Variants in PAX1 observed in about 807,000 individuals in gnomAD.
PAX1 encodes paired box protein Pax-1.
PAX1 carries 18 observed loss-of-function variants against 35.6 expected under a neutral mutation model. The observed-to-expected ratio is 0.50, with a 90% CI of 0.35 to 0.75. The LOEUF is 0.75. PAX1 is among the 30% of genes least tolerant of loss of function. PAX1 has a pLI of 0.01. For synonymous variants in PAX1, 397 were observed against 305.2 expected (o/e 1.30, Z -3.14); for missense variants, 760 against 661.5 (o/e 1.15, Z -1.63).
In PAX1 at chr20:21,706,256, G is replaced by A. The variant is rs1397118461; in HGVS notation, c.287-182G>A. On this transcript the variant is annotated intron_variant, in intron 1 of 4. Transcript: ENST00000613128. The surrounding 1 kb of genome is among the most constrained non-coding windows in gnomAD (Gnocchi z 5.3). ...GCGCTCCACTCCGCGGCTCCTCTGC[G>A]CCCTTGCCCACTCCAAGCCAGACCC... The A allele has an allele frequency of 1.1e-6, 1 of 871,728 alleles. No homozygotes were observed. The highest frequency in any genetic ancestry group is 1.9e-6 in the Non-Finnish European group (1 of 537,848). 54.0% of individuals were successfully genotyped at this position (871,728 alleles called of 1,614,324 possible).
chr20:21,706,312 TG>T lies in PAX1; in HGVS notation c.287-122del. The T allele has an allele frequency of 7.6e-7, 1 of 1,309,430 alleles. No homozygotes were observed. Among genetic ancestry groups the T allele is most frequent in the Non-Finnish European group, 1.1e-6 (1 of 919,486 alleles). The allele number at this position is 1,309,430 out of a possible 1,614,324, so 81.1% of individuals were successfully genotyped here. A position where few individuals can be genotyped will look rare whatever the true frequency, so the allele number is the denominator to read the frequency against. On this transcript the variant is annotated intron_variant, in intron 1 of 4. Coordinates refer to ENST00000613128, the MANE Select transcript of PAX1 (RefSeq NM_001257096.2). The surrounding 1 kb of genome is among the most constrained non-coding windows in gnomAD (Gnocchi z 5.3). ...GTTTGCCCTTGGACTCCGAGCTGTC[TG>T]GGGACCCACAGGTCACCTTTGGAAG...
intron 2 of PAX1, 86 bp from the exon 3 acceptor site, chr20:21,708,472 C>G (rs1286049236): frequency 6.6e-7 from 1 of 1,523,064 alleles, no homozygotes; most frequent in Non-Finnish European, 9.1e-7. Flanking sequence ...CTGGCCGTGT[C>G]TTCAGATACA....
Position 21,705,918 on chromosome 20 carries a change from C to T in PAX1, c.206C>T (p.Ala69Val). 1.4e-6 allele frequency: 2 copies of T among 1,410,266 alleles called. No individual in the cohort carries two copies. The highest frequency in any genetic ancestry group is 1.5e-5 in the South Asian group (1 of 66,286). The allele number at this position is 1,410,266 out of a possible 1,614,324, so 87.4% of individuals were successfully genotyped here. The change falls in exon 1 of 5, where the codon GCT becomes GTT. Residue 69 changes from alanine to valine, a missense_variant. By Grantham distance (64) the Ala-to-Val change is moderately conservative. Around this residue, in one of 3 missense-constraint regions of PAX1, gnomAD observed 222 missense variants for 153.0 expected, o/e 1.45. Transcript: ENST00000613128. The part of the protein sequence containing the change: ...CLSRGGGGAQ[A>V]LPDCAGPSPG... ...TCACGCGGCGGCGGCGGCGCCCAAGCTCTCCCGGACTGCGCCGGGCCCAGC... is the reference window on the plus strand; with the variant it reads ...TCACGCGGCGGCGGCGGCGCCCAAGTTCTCCCGGACTGCGCCGGGCCCAGC...
At chr20:21,713,410 G>A (rs1985263247) in intron 4 of PAX1, among the ~76,000 whole-genome samples, 1 of 151,116 alleles carries the variant, frequency 6.6e-6, no homozygotes, top group Admixed American at 6.6e-5. Context: ...GTGTGTGTGT[G>A]TCTTGCACAG....
chr20:21,709,136 A>G, intron 3 of PAX1, 86 bp from the exon 4 acceptor site: 2 of 1,046,578 alleles, frequency 1.9e-6, no homozygotes, highest in East Asian at 2.4e-5. Context: ...GGGAGCGATA[A>G]TGGACGAAAA....
At chr20:21,710,607 G>A (rs951145618) in intron 4 of PAX1, among the ~76,000 whole-genome samples, 6 of 151,882 alleles carry the variant, frequency 4.0e-5, no homozygotes, top group African/African-American at 1.5e-4. Context: ...GGGGACAGGA[G>A]GGCCATCCTC....
chr20:21,708,832 C>G (rs533071371), intron 3 of PAX1, 132 bp downstream of exon 3: 2 of 925,398 alleles, frequency 2.2e-6, no homozygotes, highest in Non-Finnish European at 3.5e-6. Flanking sequence ...AGCCGGCTAG[C>G]AAGCGTCCTT....
In PAX1 at chr20:21,709,381, G is replaced by C. The variant is rs1344530066; in HGVS notation, c.1219G>C (p.Gly407Arg). The C allele has an allele frequency of 2.6e-6, 4 of 1,563,148 alleles. No homozygotes were observed. Among genetic ancestry groups the C allele is most frequent in the East Asian group, 4.6e-5 (2 of 43,324 alleles). Residue 407 changes from glycine to arginine, a missense_variant, in exon 4 of 5, where the codon GGC becomes CGC. Physicochemically the swap from Gly to Arg is moderately radical, Grantham distance 125 (BLOSUM62 -2). This residue lies in a region of PAX1 where 490 missense variants were observed against 428.4 expected (regional missense o/e 1.14). Coordinates refer to ENST00000613128, the MANE Select transcript of PAX1 (RefSeq NM_001257096.2). ...TCCTCCTCTGGCGCCCCCCGGGGCCGGCGTAGCTGTGCATGGCGGGGAACT... is the reference window on the plus strand; with the variant it reads ...TCCTCCTCTGGCGCCCCCCGGGGCCCGCGTAGCTGTGCATGGCGGGGAACT... ...QGPPLAPPGA[G>R]VAVHGGELAA...
Position 21,716,150 on chromosome 20 carries a change from A to G in PAX1, c.*1588A>G, listed in dbSNP as rs533180042. The G allele has an allele frequency of 1.3e-5, 2 of 152,394 alleles. No homozygotes were observed. Among genetic ancestry groups the G allele is most frequent in the African/African-American group, 4.8e-5 (2 of 41,590 alleles). The allele number at this position is 152,394 out of a possible 1,614,324, so 9.4% of individuals were successfully genotyped here. A position where few individuals can be genotyped will look rare whatever the true frequency, so the allele number is the denominator to read the frequency against. On this transcript the variant is annotated 3_prime_UTR_variant, in exon 5 of 5. Transcript: ENST00000613128. Reference sequence around the variant, plus strand: ...AGAGTAAAATGGGCAAAAGGCAATGAGCCAGAATGGAGGATTTCTTCAGAA... The same window carrying G: ...AGAGTAAAATGGGCAAAAGGCAATGGGCCAGAATGGAGGATTTCTTCAGAA...
At chr20:21,710,372 A>G (rs1363756181) in intron 4 of PAX1, among the ~76,000 whole-genome samples, 1 of 152,218 alleles carries the variant, frequency 6.6e-6, no homozygotes, top group Non-Finnish European at 1.5e-5. Context: ...CAAACTTGCC[A>G]GTGCTTAGGT....
intron 3 of PAX1, among the ~76,000 whole-genome samples, 158 bp downstream of exon 3, chr20:21,708,858 A>C (rs549634374): frequency 3.9e-5 from 6 of 152,308 alleles, no homozygotes; most frequent in African/African-American, 1.2e-4. Flanking sequence ...CCTTTCCTCA[A>C]GCGTACTAGT....
chr20:21,712,764 T>TTTGTCCTAAA, intron 4 of PAX1, among the ~76,000 whole-genome samples: 1 of 152,214 alleles, frequency 6.6e-6, no homozygotes, highest in Non-Finnish European at 1.5e-5. Flanking sequence ...CAAAGAGCAC[T>TTTGTCCTAAA]AGGTCGCTGG....
intron 4 of PAX1, among the ~76,000 whole-genome samples, chr20:21,713,185 T>C (rs1220573073): frequency 1.3e-5 from 2 of 152,154 alleles, no homozygotes; most frequent in African/African-American, 4.8e-5. Flanking sequence ...TCCTCAGATG[T>C]TTTCTAAACA....
At position 21,714,655 on chromosome 20, in the gene PAX1, G is replaced by T; in HGVS notation, c.*93G>T. The T allele has an allele frequency of 6.3e-7, 1 of 1,598,360 alleles. No homozygotes were observed. The highest frequency in any genetic ancestry group is 8.5e-7 in the Non-Finnish European group (1 of 1,175,288). ...GCGGCCCCGGCAATCGGCACGGGCA[G>T]GATCGGAGGACTCGCGGAGGAGGAA... On this transcript the variant is annotated 3_prime_UTR_variant, in exon 5 of 5. Transcript: ENST00000613128.
At position 21,708,604 on chromosome 20, in the gene PAX1, A is replaced by G. The variant is rs1985092527; in HGVS notation, c.963A>G (p.Glu321=). The G allele has an allele frequency of 6.2e-7, 1 of 1,613,784 alleles. No individual in the cohort carries two copies. The highest frequency in any genetic ancestry group is 8.5e-7 in the Non-Finnish European group (1 of 1,180,028). Residue 321 remains glutamate (E), a synonymous_variant, in exon 3 of 5, where the codon GAA becomes GAG. Coordinates refer to ENST00000613128, the MANE Select transcript of PAX1 (RefSeq NM_001257096.2). ...GCACCGCTTACTCTCCCAAGATGGA[A>G]GACTGGGCCGGCGTGAACCGCACGG... ...SEGTAYSPKM[E]DWAGVNRTAF...
chr20:21,715,502 A>G lies in PAX1; in HGVS notation c.*940A>G, dbSNP rs1171330652. 6.6e-6 allele frequency: 1 copy of G among 152,310 alleles called. No homozygotes were observed. Among genetic ancestry groups the G allele is most frequent in the African/African-American group, 2.4e-5 (1 of 41,340 alleles). The allele number at this position is 152,310 out of a possible 1,614,324, so 9.4% of individuals were successfully genotyped here. On this transcript the variant is annotated 3_prime_UTR_variant, in exon 5 of 5. Transcript: ENST00000613128. ...CGGGCTTCTCTTCCCTTCTGAGATG[A>G]TGTCACCCCAAAGAAGACTGGGGTA...
intron 4 of PAX1, among the ~76,000 whole-genome samples, chr20:21,712,801 C>CCCGGCCT (rs1985237821): frequency 6.6e-6 from 1 of 152,320 alleles, no homozygotes; most frequent in African/African-American, 2.4e-5. Context: ...CGCTGGCAAC[C>CCCGGCCT]CCGGCCTCCG....
Position 21,708,669 on chromosome 20 carries a change from C to G in PAX1, c.1028C>G (p.Pro343Arg). ...ATPAVNGLEK[P>R]ALEADIKYTQ... is the part of the protein sequence containing the mutation. ...CCCGCAGTGAATGGGCTAGAGAAAC[C>G]TGCCTTAGAGGCAGACATTAAATAC... Residue 343 changes from proline (P) to arginine (R), a missense_variant, in exon 3 of 5, where the codon CCT (proline) becomes CGT (arginine). Pro to Arg is a moderately radical substitution (Grantham distance 103). This residue lies in a region of PAX1 where 490 missense variants were observed against 428.4 expected (regional missense o/e 1.14). Transcript: ENST00000613128. 1 of 1,613,638 alleles carries G rather than the reference C, an allele frequency of 6.2e-7. No individual in the cohort carries two copies. Among genetic ancestry groups the G allele is most frequent in the Non-Finnish European group, 8.5e-7 (1 of 1,180,026 alleles).
In PAX1 at chr20:21,706,661, C is replaced by T; in HGVS notation, c.510C>T (p.Pro170=). 6.2e-7 allele frequency: 1 copy of T among 1,612,554 alleles called. No individual in the cohort carries two copies. The highest frequency in any genetic ancestry group is 2.2e-5 in the East Asian group (1 of 44,870). The change falls in exon 2 of 5, where the codon CCC becomes CCT. Residue 170 remains proline (P), a synonymous_variant. Transcript: ENST00000613128. The surrounding 1 kb of genome is among the most constrained non-coding windows in gnomAD (Gnocchi z 5.3). ...CCGGGGCCATCGGGGGGAGCAAGCC[C>T]CGCGTCACCACTCCCAACGTGGTCA... ...ILPGAIGGSK[P]RVTTPNVVKH...
Sources: allele counts gnomAD v4.1 joint callset (sites outside exome capture counted in the v4.1 genomes callset), GRCh38; gene constraint gnomAD v4.1.1; regional missense constraint gnomAD v4.1.1; non-coding constraint Gnocchi (gnomAD v3.1); transcripts MANE v1.5; gene names NCBI Gene and HGNC (gene_info 2026-07-23, HGNC 2026-07-21).